MARF1: variants seen among roughly 807,000 people sequenced by gnomAD.
The protein encoded by MARF1 is meiosis regulator and mRNA stability factor 1.
Under a neutral mutation model 168.2 loss-of-function variants are expected in MARF1, and 24 were observed. The observed-to-expected ratio is 0.14, with a 90% confidence interval of 0.10 to 0.20. The LOEUF is 0.20. Ranked by LOEUF, MARF1 falls within the 10% of genes least tolerant of loss-of-function variation. The probability of loss-of-function intolerance (pLI) is 1.00; values close to 1 mark genes in which losing one functional copy is unlikely to be tolerated. For missense variants in MARF1, 1,744 were observed against 2,143.6 expected (o/e 0.81, Z 3.68); for synonymous variants, 868 against 822.4 (o/e 1.06, Z -0.95).
Position 15,620,306 on chromosome 16 carries a change from T to C in MARF1, c.2720+145A>G, listed in dbSNP as rs1485269982. 1.1e-5 allele frequency: 5 copies of C among 474,522 alleles called. No homozygotes were observed. In the East Asian group the frequency reaches 1.3e-4, roughly 13 times the overall value. 29.4% of individuals were successfully genotyped at this position (474,522 alleles called of 1,614,324 possible). A position where few individuals can be genotyped will look rare whatever the true frequency, so the allele number is the denominator to read the frequency against. On this transcript the variant is annotated intron_variant, in intron 13 of 26. Transcript: ENST00000396368. The stretch of plus-strand genomic sequence containing the variant: ...CGTTTTAAAACTGTCTGCTAAACAT[T>C]CATTGACATGTAAATCTGAATGCCA...
chr16:15,623,614 AC>A (rs1402190038), intron 10 of MARF1, among the ~76,000 whole-genome samples: 1 of 152,058 alleles, frequency 6.6e-6, no homozygotes, highest in African/African-American at 2.4e-5. Context: ...TTGATTTCAG[AC>A]ATTGTCAAAA....
chr16:15,617,153 T>G lies in MARF1; in HGVS notation c.2976A>C (p.Pro992=), dbSNP rs1168571485. 6.2e-7 allele frequency: 1 copy of G among 1,613,916 alleles called. No homozygotes were observed. Among genetic ancestry groups the G allele is most frequent in the African/African-American group, 1.3e-5 (1 of 74,918 alleles). ...NKDFSEHEFD[P]DSYKIPFVIL... ...TCACAAAAGGAATCTTGTAAGAGTCTGGATCAAATTCATGTTCGCTGAAGA... is the reference window on the plus strand; with the variant it reads ...TCACAAAAGGAATCTTGTAAGAGTCGGGATCAAATTCATGTTCGCTGAAGA... The change falls in exon 15 of 27, where the codon CCA becomes CCC. Residue 992 remains proline, a synonymous_variant. Coordinates refer to ENST00000396368, the MANE Select transcript of MARF1 (RefSeq NM_014647.4).
Position 15,598,882 on chromosome 16 carries a change from C to A in MARF1, c.4956G>T (p.Gln1652His). 1 of 1,614,078 alleles carries A rather than the reference C, an allele frequency of 6.2e-7. No homozygotes were observed. The highest frequency in any genetic ancestry group is 8.5e-7 in the Non-Finnish European group (1 of 1,180,006). The change falls in exon 26 of 27, where the codon CAG (glutamine) becomes CAT (histidine). Residue 1652 changes from glutamine (Q) to histidine (H), a missense_variant. This residue lies in a region of MARF1 where 313 missense variants were observed against 337.4 expected (regional missense o/e 0.93). Coordinates refer to ENST00000396368, the MANE Select transcript of MARF1 (RefSeq NM_014647.4). ...PVILQSADLI[Q>H]FEERPQEPSE... ...AAGGCTCTTGAGGGCGCTCCTCAAA[C>A]TGAATGAGATCAGCAGATTGGAGGA...
intron 3 of MARF1, chr16:15,635,151 G>A (rs2035498803): frequency 3.9e-6 from 2 of 508,688 alleles, no homozygotes; most frequent in Admixed American, 3.6e-5. Context: ...AGATATTCAC[G>A]TGGTCAGATC....
intron 22 of MARF1, chr16:15,602,420 TGAAGACAAAGACGACGAGACAAAAAC>T: frequency 1.6e-6 from 1 of 611,812 alleles, no homozygotes. Flanking sequence ...ACAAAGAAGA[TGAAGACAAAGACGACGAGACAAAAAC>T]GAAGATAAAG....
rs2031685158 is a variant in MARF1 at position 15,596,363 on chromosome 16, AG to A, written c.*329del. ...AATGGAAGCAAAACCGCTTCCTGCTAGTTGAGTTTTTAGTGCTTTCTTCTTT... is the reference window on the plus strand; with the variant it reads ...AATGGAAGCAAAACCGCTTCCTGCTATTGAGTTTTTAGTGCTTTCTTCTTT... On this transcript the variant is annotated 3_prime_UTR_variant, in exon 27 of 27. Coordinates refer to ENST00000396368, the MANE Select transcript of MARF1 (RefSeq NM_014647.4). The A allele has an allele frequency of 5.5e-6, 1 of 180,760 alleles. No individual in the cohort carries two copies. Among genetic ancestry groups the A allele is most frequent in the Admixed American group, 6.0e-5 (1 of 16,564 alleles). 11.2% of individuals were successfully genotyped at this position (180,760 alleles called of 1,614,324 possible). A position where few individuals can be genotyped will look rare whatever the true frequency, so the allele number is the denominator to read the frequency against.
chr16:15,638,730 T>C (rs926338286), intron 2 of MARF1, among the ~76,000 whole-genome samples: 3 of 152,204 alleles, frequency 2.0e-5, no homozygotes, highest in African/African-American at 7.2e-5. Flanking sequence ...TCCTAGATTA[T>C]AGACTCAAAA....
Position 15,626,826 on chromosome 16 carries a change from A to C in MARF1, c.1525-1026T>G, listed in dbSNP as rs150974931. On this transcript the variant is annotated intron_variant, in intron 7 of 26. Transcript: ENST00000396368. ...AATACAAAAAAAGTTAGCTGAGCAA[A>C]GTGGCAGACGCCTGTAATCCCAGCT... is the stretch of plus-strand genomic sequence containing the variant. 6.9e-3 allele frequency among the ~76,000 whole-genome samples: 1,047 copies of C among 151,992 alleles called. 10 individuals are homozygous for C. Among genetic ancestry groups the C allele is most frequent in the Non-Finnish European group, 8.2e-3 (558 of 67,944 alleles).
At chr16:15,639,054 G>A (rs1414034412) in intron 2 of MARF1, 36 bp downstream of exon 2, 2 of 1,592,956 alleles carry the variant, frequency 1.3e-6, no homozygotes, top group Admixed American at 3.5e-5. Context: ...ATTTGGATGA[G>A]GAATCTGCTA....
intron 5 of MARF1, among the ~76,000 whole-genome samples, chr16:15,631,931 T>C (rs986165089): frequency 6.6e-6 from 1 of 152,220 alleles, no homozygotes. Context: ...ATTATCTCAT[T>C]CTTTTTTATG....
intron 1 of MARF1, among the ~76,000 whole-genome samples, chr16:15,641,277 C>T (rs552610794): frequency 6.6e-6 from 1 of 152,266 alleles, no homozygotes; most frequent in East Asian, 1.9e-4. Context: ...GTAAACATTA[C>T]CTACTACACA....
chr16:15,611,828 A>G, intron 17 of MARF1, 94 bp from the exon 18 acceptor site: 1 of 1,015,166 alleles, frequency 9.9e-7, no homozygotes, highest in Admixed American at 2.2e-5. Context: ...GCCTCAGAGC[A>G]TGACTCCCTT....
At chr16:15,609,055 G>A (rs564470194) in intron 20 of MARF1, among the ~76,000 whole-genome samples, 3 of 152,224 alleles carry the variant, frequency 2.0e-5, no homozygotes, top group South Asian at 2.1e-4. Context: ...CCTGGCCAAC[G>A]TGGTGAAACA....
At position 15,639,132 on chromosome 16, in the gene MARF1, G is replaced by C. The variant is rs756444469; in HGVS notation, c.102C>G (p.Cys34Trp). The C allele has an allele frequency of 6.2e-7, 1 of 1,614,176 alleles. No homozygotes were observed. Among genetic ancestry groups the C allele is most frequent in the Non-Finnish European group, 8.5e-7 (1 of 1,180,032 alleles). ...GCAGCGTCTGCTCAGGACGAGAAAA[G>C]CAATTAGAGAATTTCCAAAGCCATG... ...AKPWLWKFSN[C>W]FSRPEQTLPH... Residue 34 changes from cysteine (C) to tryptophan (W), a missense_variant, in exon 2 of 27, where the codon TGC (cysteine) becomes TGG (tryptophan). Physicochemically the swap from Cys to Trp is radical, Grantham distance 215. This residue lies in a region of MARF1 where 318 missense variants were observed against 336.6 expected (regional missense o/e 0.94). Transcript: ENST00000396368.
chr16:15,599,274 CA>C (rs1335355447), intron 25 of MARF1: 8 of 522,244 alleles, frequency 1.5e-5, no homozygotes, highest in Admixed American at 9.8e-5. Flanking sequence ...ACTGGCCCCT[CA>C]AAAGACCCAA....
chr16:15,596,640 T>C lies in MARF1; in HGVS notation c.*53A>G. The C allele has an allele frequency of 2.0e-6, 3 of 1,482,226 alleles. No individual in the cohort carries two copies. The East Asian group carries it at 7.1e-5, about 35-fold the overall frequency. The allele number at this position is 1,482,226 out of a possible 1,614,324, so 91.8% of individuals were successfully genotyped here. A position where few individuals can be genotyped will look rare whatever the true frequency, so the allele number is the denominator to read the frequency against. On this transcript the variant is annotated 3_prime_UTR_variant, in exon 27 of 27. Coordinates refer to ENST00000396368, the MANE Select transcript of MARF1 (RefSeq NM_014647.4). The stretch of plus-strand genomic sequence containing the variant: ...GATGTATTTTTGAAACCCACTTTTG[T>C]GTGCAGAATCAGACAGTGTTTTCCC...
At chr16:15,602,566 A>C (rs756901211) in intron 22 of MARF1, 8 of 467,370 alleles carry the variant, frequency 1.7e-5, no homozygotes, top group South Asian at 1.1e-4. Flanking sequence ...GGACAAAGAC[A>C]AAGATGAAGA....
In MARF1 at chr16:15,633,623, A is replaced by G. The variant is rs1313779574; in HGVS notation, c.1227T>C (p.Asn409=). Residue 409 remains asparagine (N), a synonymous_variant, in exon 5 of 27, where the codon AAT becomes AAC. Transcript: ENST00000396368. ...TTAAATTTTTTTTTTTTACCTGGCA[A>G]TTATTCAGCTCTTGAATAACTTCCT... ...ENKEVIQELN[N]CQVTVAHINA... 3 of 1,590,588 alleles carry G rather than the reference A, an allele frequency of 1.9e-6. No individual in the cohort carries two copies. The highest frequency in any genetic ancestry group is 1.1e-5 in the South Asian group (1 of 87,614).
At chr16:15,622,044 T>C (rs1405716317) in intron 11 of MARF1, 133 bp from the exon 12 acceptor site, 4 of 753,860 alleles carry the variant, frequency 5.3e-6, no homozygotes, top group Non-Finnish European at 8.5e-6. Context: ...TGAACTCTGC[T>C]CTTCTGCTGA....
Sources: allele counts gnomAD v4.1 joint callset (sites outside exome capture counted in the v4.1 genomes callset), GRCh38; gene constraint gnomAD v4.1.1; regional missense constraint gnomAD v4.1.1; transcripts MANE v1.5; gene names NCBI Gene and HGNC (gene_info 2026-07-23, HGNC 2026-07-21).